The following MED23 variants were observed in gnomAD, a reference collection of about 807,000 sequenced individuals.
The protein encoded by MED23 is mediator of RNA polymerase II transcription subunit 23.
In MED23, 105 loss-of-function variants were observed where a neutral mutation model predicts 163.9. The ratio of observed to expected loss-of-function variants is 0.64; its 90% CI spans 0.55 to 0.75. MED23 has a LOEUF of 0.75. MED23 is among the 30% of genes least tolerant of loss of function. The probability of loss-of-function intolerance (pLI) is 0.00; values close to 1 mark genes in which losing one functional copy is unlikely to be tolerated. For missense variants in MED23, 1,054 were observed against 1,649.0 expected, an observed-to-expected ratio of 0.64 and a Z score of 6.25; for synonymous variants, 561 against 565.6, an observed-to-expected ratio of 0.99 and a Z score of 0.12.
chr6:131,612,194 G>A (rs114769436), intron 10 of MED23, among the ~76,000 whole-genome samples: 2 of 151,786 alleles, frequency 1.3e-5, no homozygotes, highest in East Asian at 3.9e-4. Flanking sequence ...AAATTTCCCA[G>A]GTGTTTTTGG....
chr6:131,615,437 C>T, intron 10 of MED23: 1 of 1,067,790 alleles, frequency 9.4e-7, no homozygotes, highest in Non-Finnish European at 1.3e-6. Flanking sequence ...AGGCCAGCCT[C>T]AAGGAACCCA....
chr6:131,583,328 C>A, downstream of MED23: 1 of 1,613,998 alleles, frequency 6.2e-7, no homozygotes, highest in South Asian at 1.1e-5. Flanking sequence ...CAACCTTAAA[C>A]TGAAATCCTT....
rs185728535 is a variant in MED23 at position 131,625,371 on chromosome 6, T to C, written c.160-382A>G. 5.3e-5 allele frequency among the ~76,000 whole-genome samples: 8 copies of C among 152,308 alleles called. No homozygotes were observed. In the East Asian group the frequency reaches 1.5e-3, roughly 29 times the overall value. ...CACTGGGGGTAAAATTCATTATGGATCAGTATGTATCAGGCTTAGGAGAAT... is the reference window on the plus strand; with the variant it reads ...CACTGGGGGTAAAATTCATTATGGACCAGTATGTATCAGGCTTAGGAGAAT... On this transcript the variant is annotated intron_variant, in intron 3 of 28. Coordinates refer to ENST00000368068, the MANE Select transcript of MED23 (RefSeq NM_004830.4).
At chr6:131,604,897 T>C (rs2114668387) in intron 14 of MED23, among the ~76,000 whole-genome samples, 1 of 152,252 alleles carries the variant, frequency 6.6e-6, no homozygotes, top group African/African-American at 2.4e-5. Context: ...GAAAGACTAC[T>C]AATAAAAAAT....
Position 131,592,997 on chromosome 6 carries a change from A to C in MED23, c.3398+9T>G, listed in dbSNP as rs529467174. ...CAACAAATCTTACTGCATGAACCAG[A>C]ATACATACCTTTTTAGGACAACATT... On this transcript the variant is annotated intron_variant, in intron 24 of 28. Transcript: ENST00000368068. The C allele has an allele frequency of 3.1e-6, 5 of 1,614,114 alleles. No homozygotes were observed. The South Asian group carries it at 5.5e-5, about 18-fold the overall frequency.
intron 4 of MED23, 52 bp from the exon 5 acceptor site, chr6:131,623,514 C>CTG: frequency 7.1e-7 from 1 of 1,406,546 alleles, no homozygotes; most frequent in South Asian, 1.2e-5. Flanking sequence ...TTTCCAAGTT[C>CTG]TCTAATAGCC....
intron 15 of MED23, 30 bp from the exon 16 acceptor site, chr6:131,603,234 A>G (rs1263355997): frequency 6.2e-7 from 1 of 1,604,476 alleles, no homozygotes; most frequent in Non-Finnish European, 8.5e-7. Flanking sequence ...TAAGGTACCA[A>G]TTATTAAAGG....
At position 131,623,119 on chromosome 6, in the gene MED23, G is replaced by A. The variant is rs113764419; in HGVS notation, c.396+232C>T. Among the ~76,000 whole-genome samples, 4,876 of 152,194 alleles carry A rather than the reference G, an allele frequency of 0.032. 271 individuals are homozygous for A. The highest frequency in any genetic ancestry group is 0.11 in the African/African-American group (4,574 of 41,490). On this transcript the variant is annotated intron_variant, in intron 5 of 28. Transcript: ENST00000368068. ...ACGGATTCTGCTTTGTGACTTCCCTGCTCTTCATAAAAATGTATCAGCTAC... is the reference window on the plus strand; with the variant it reads ...ACGGATTCTGCTTTGTGACTTCCCTACTCTTCATAAAAATGTATCAGCTAC...
downstream of MED23, among the ~76,000 whole-genome samples, chr6:131,585,342 TC>T (rs139774113): frequency 6.6e-3 from 1,000 of 152,344 alleles, 12 homozygotes; most frequent in African/African-American, 0.023. Flanking sequence ...AATGGATTTC[TC>T]CTGTGTTTTT....
At position 131,627,460 on chromosome 6, in the gene MED23, T is replaced by C; in HGVS notation, c.95A>G (p.Asp32Gly). 1 of 1,613,690 alleles carries C rather than the reference T, an allele frequency of 6.2e-7. No homozygotes were observed. The highest frequency in any genetic ancestry group is 1.3e-5 in the African/African-American group (1 of 74,978). ...ACAGCTAATTAGTTTTGTTTTCTCA[T>C]CTTCAGGAGTATCCATAAACATGCT... Reference protein sequence around the residue: ...FPGMFMDTPEDEKTKLISCLG... With the variant: ...FPGMFMDTPEGEKTKLISCLG... Residue 32 changes from aspartate (D) to glycine (G), a missense_variant, in exon 3 of 29, where the codon GAT becomes GGT. Around this residue, in one of 11 missense-constraint regions of MED23, gnomAD observed 227 missense variants for 235.5 expected, o/e 0.96. Transcript: ENST00000368068.
At chr6:131,615,875 G>T (rs1388106538) in intron 10 of MED23, 32 bp downstream of exon 10, 5 of 1,506,150 alleles carry the variant, frequency 3.3e-6, no homozygotes, top group Non-Finnish European at 4.6e-6. Flanking sequence ...ATTCTATGCA[G>T]AATTTACTAG....
chr6:131,613,880 GC>G (rs1776456835), intron 10 of MED23, among the ~76,000 whole-genome samples: 1 of 151,982 alleles, frequency 6.6e-6, no homozygotes, highest in Non-Finnish European at 1.5e-5. Flanking sequence ...AGAGCTGCCC[GC>G]CCCCAAGAGA....
chr6:131,577,446 A>G (rs1330362388), intron 30 of MED23, among the ~76,000 whole-genome samples: 1 of 152,132 alleles, frequency 6.6e-6, no homozygotes, highest in East Asian at 1.9e-4. Flanking sequence ...CTTTGTGTGG[A>G]TATGTTTTCA....
intron 30 of MED23, among the ~76,000 whole-genome samples, chr6:131,578,061 G>A (rs1214384351): frequency 1.3e-5 from 2 of 151,992 alleles, no homozygotes; most frequent in Non-Finnish European, 2.9e-5. Flanking sequence ...AAGCAGATCA[G>A]CAGTTCCTGG....
chr6:131,623,576 T>C, intron 4 of MED23, 114 bp from the exon 5 acceptor site: 1 of 814,134 alleles, frequency 1.2e-6, no homozygotes, highest in Non-Finnish European at 2.1e-6. Context: ...GAATTGTAGT[T>C]CCCATAATCC....
chr6:131,594,035 A>G, intron 23 of MED23, 64 bp downstream of exon 23: 1 of 1,376,464 alleles, frequency 7.3e-7, no homozygotes, highest in South Asian at 1.2e-5. Flanking sequence ...AAAAGAAAAA[A>G]TATATTCTCA....
At chr6:131,586,600 G>C, downstream of MED23, 1 of 320,984 alleles carries the variant, frequency 3.1e-6, no homozygotes, top group Non-Finnish European at 5.0e-6. Context: ...CTTTTTAAAA[G>C]AATCTGTAAC....
chr6:131,602,000 A>C (rs1283648528), intron 17 of MED23, among the ~76,000 whole-genome samples: 1 of 152,224 alleles, frequency 6.6e-6, no homozygotes, highest in African/African-American at 2.4e-5. Context: ...CTTTAAAATT[A>C]TGGATAGCTG....
rs1243667744 is a variant in MED23 at position 131,587,979 on chromosome 6, A to G, written c.3940-133T>C. On this transcript the variant is annotated intron_variant, in intron 28 of 28. Coordinates refer to ENST00000368068, the MANE Select transcript of MED23 (RefSeq NM_004830.4). The stretch of plus-strand genomic sequence containing the variant: ...TGGGGTAGATGAGAAGTTTCTTAAC[A>G]TGTTCTGTGTTTTAAGAAAAGCAGA... 4.0e-6 allele frequency: 3 copies of G among 748,022 alleles called. No homozygotes were observed. In the East Asian group the frequency reaches 8.3e-5, roughly 21 times the overall value. 46.3% of individuals were successfully genotyped at this position (748,022 alleles called of 1,614,324 possible). A position where few individuals can be genotyped will look rare whatever the true frequency, so the allele number is the denominator to read the frequency against.
Sources: allele counts gnomAD v4.1 joint callset (sites outside exome capture counted in the v4.1 genomes callset), GRCh38; gene constraint gnomAD v4.1.1; regional missense constraint gnomAD v4.1.1; transcripts MANE v1.5; gene names NCBI Gene and HGNC (gene_info 2026-07-23, HGNC 2026-07-21).